The following TANGO2 variants were observed in gnomAD, a reference collection of about 807,000 sequenced individuals.
The protein encoded by TANGO2 is transport and Golgi organization protein 2 homolog.
In TANGO2, 26 loss-of-function variants were observed where a neutral mutation model predicts 39.1. That is an observed-to-expected ratio of 0.67 (90% CI 0.49 to 0.92). The LOEUF is 0.92. Ranked by LOEUF, TANGO2 falls within the 40% of genes least tolerant of loss-of-function variation. TANGO2 has a pLI of 0.00. For synonymous variants in TANGO2, 131 were observed against 144.5 expected, an observed-to-expected ratio of 0.91 and a Z score of 0.67; for missense variants, 326 against 360.1, an observed-to-expected ratio of 0.91 and a Z score of 0.77.
intron 1 of TANGO2, among the ~76,000 whole-genome samples, chr22:20,028,476 G>A (rs2041215321): frequency 6.6e-6 from 1 of 152,226 alleles, no homozygotes; most frequent in African/African-American, 2.4e-5. Context: ...TGGGTGACCT[G>A]AGCGATGGTA....
At chr22:20,059,736 A>G (rs562408162) in intron 6 of TANGO2, among the ~76,000 whole-genome samples, 55 of 152,286 alleles carry the variant, frequency 3.6e-4, no homozygotes, top group Admixed American at 6.5e-4. Context: ...GGAGTGACTT[A>G]TACATTCATT....
chr22:20,034,653 A>G (rs1029258722), intron 1 of TANGO2, among the ~76,000 whole-genome samples: 1 of 152,094 alleles, frequency 6.6e-6, no homozygotes, highest in Non-Finnish European at 1.5e-5. Flanking sequence ...CTGCGGCTGT[A>G]GTTCATCTCT....
chr22:20,059,460 C>T (rs2047966775), intron 6 of TANGO2, among the ~76,000 whole-genome samples: 1 of 152,226 alleles, frequency 6.6e-6, no homozygotes, highest in African/African-American at 2.4e-5. Flanking sequence ...AACATCCAAA[C>T]TGTTTGCCAA....
chr22:20,018,147 A>T (rs1034996880), upstream of TANGO2, among the ~76,000 whole-genome samples: 11 of 152,246 alleles, frequency 7.2e-5, no homozygotes, highest in Non-Finnish European at 1.3e-4. Context: ...CGCTGGGTCC[A>T]TCTGTGTGCT....
intron 3 of TANGO2, among the ~76,000 whole-genome samples, chr22:20,047,070 G>A (rs755543750): frequency 6.6e-5 from 10 of 152,106 alleles, no homozygotes; most frequent in Admixed American, 3.9e-4. Flanking sequence ...GGGAGGAGGC[G>A]CCACGCTCTT....
intron 6 of TANGO2, 160 bp downstream of exon 6, chr22:20,056,173 G>A: frequency 1.4e-6 from 1 of 715,974 alleles, no homozygotes; most frequent in Non-Finnish European, 2.5e-6. Flanking sequence ...CCCTGCACCT[G>A]GACACTTCAG....
chr22:20,039,645 G>A (rs1209341085), intron 2 of TANGO2, among the ~76,000 whole-genome samples: 8 of 151,126 alleles, frequency 5.3e-5, no homozygotes, highest in South Asian at 2.1e-4. Flanking sequence ...AAGAAAAAAC[G>A]AAAAAAAACC....
chr22:20,039,747 G>A (rs16982922), intron 2 of TANGO2, among the ~76,000 whole-genome samples: 3,902 of 152,048 alleles, frequency 0.026, 176 homozygotes, highest in African/African-American at 0.088. Flanking sequence ...AGCTTCCATG[G>A]GGTCACCACT....
chr22:20,026,463 C>T (rs928886852), intron 1 of TANGO2, among the ~76,000 whole-genome samples: 6 of 152,016 alleles, frequency 3.9e-5, no homozygotes, highest in African/African-American at 1.5e-4. Flanking sequence ...AAGGAGTTCT[C>T]ATTTTGGGAC....
upstream of TANGO2, among the ~76,000 whole-genome samples, chr22:20,018,792 A>T (rs1945385699): frequency 6.6e-6 from 1 of 152,118 alleles, no homozygotes; most frequent in African/African-American, 2.4e-5. Flanking sequence ...GAAACACAAC[A>T]AGGGAGGCTG....
chr22:20,059,421 G>C (rs115780301), intron 6 of TANGO2, among the ~76,000 whole-genome samples: 2 of 152,168 alleles, frequency 1.3e-5, no homozygotes, highest in Non-Finnish European at 2.9e-5. Context: ...TTGTTAAGTC[G>C]TATGGTAACC....
intron 1 of TANGO2, among the ~76,000 whole-genome samples, chr22:20,035,235 C>T (rs369800052): frequency 6.6e-6 from 1 of 152,278 alleles, no homozygotes; most frequent in African/African-American, 2.4e-5. Flanking sequence ...GCCACCAGCT[C>T]CTCACTGGAG....
upstream of TANGO2, among the ~76,000 whole-genome samples, chr22:20,018,565 A>C (rs926582144): frequency 1.3e-5 from 2 of 152,178 alleles, no homozygotes; most frequent in Non-Finnish European, 2.9e-5. Flanking sequence ...CTCTGTTGAA[A>C]GAGTGCAAAA....
At chr22:20,058,113 G>A (rs922195471) in intron 6 of TANGO2, 4 of 151,842 alleles carry the variant, frequency 2.6e-5, no homozygotes, top group Non-Finnish European at 4.4e-5. Flanking sequence ...AGTAGGTTTC[G>A]TTTCATTCAC....
At chr22:20,024,281 G>A (rs1159115604) in intron 1 of TANGO2, among the ~76,000 whole-genome samples, 7 of 152,218 alleles carry the variant, frequency 4.6e-5, no homozygotes, top group Admixed American at 6.5e-5. Context: ...CTCTTGCTGC[G>A]GAGATAGGAG....
chr22:20,061,293 C>T (rs2048333383), intron 6 of TANGO2: 2 of 447,412 alleles, frequency 4.5e-6, no homozygotes, highest in Middle Eastern at 5.8e-4. Context: ...GGCATCTGTG[C>T]CTTGTGGTCT....
intron 1 of TANGO2, among the ~76,000 whole-genome samples, chr22:20,028,553 G>A (rs2041229915): frequency 6.6e-6 from 1 of 152,264 alleles, no homozygotes; most frequent in Non-Finnish European, 1.5e-5. Flanking sequence ...TCAGCCTTAG[G>A]CTGGGGCACA....
In TANGO2 at chr22:20,026,187, C is replaced by T. The variant is rs187154949; in HGVS notation, c.-40+4941C>T. 6.9e-3 allele frequency among the ~76,000 whole-genome samples: 1,052 copies of T among 152,328 alleles called. 5 individuals carry two copies. The highest frequency in any genetic ancestry group is 0.011 in the Non-Finnish European group (744 of 68,036). ...GGCTGAGGCGGGGGGATCATGAGGT[C>T]AGGAGTTCAAGACCAGCCTGACCAA... On this transcript the variant is annotated intron_variant, in intron 1 of 8. Transcript: ENST00000327374.
chr22:20,061,911 GC>G lies in TANGO2; in HGVS notation c.605+231del. ...AAGATGGGCCCAGGCCCAGGCCCAG[GC>G]CCAGGGGAGGCTCAGTGCACCCAGA... On this transcript the variant is annotated intron_variant, in intron 7 of 8. Coordinates refer to ENST00000327374, the MANE Select transcript of TANGO2 (RefSeq NM_152906.7). The G allele has an allele frequency of 1.1e-5, 6 of 562,446 alleles. No individual in the cohort carries two copies. In the South Asian group the frequency reaches 1.6e-4, roughly 15 times the overall value. 34.8% of individuals were successfully genotyped at this position (562,446 alleles called of 1,614,324 possible).
Sources: gnomAD v4.1 joint callset for allele counts (sites outside exome capture counted in the v4.1 genomes callset) on GRCh38, gnomAD v4.1.1 for gene constraint, MANE v1.5 for transcripts, NCBI Gene and HGNC (gene_info 2026-07-23, HGNC 2026-07-21) for gene names.